The following DCC variants were observed in gnomAD, a reference collection of about 807,000 sequenced individuals.
DCC encodes the protein netrin receptor DCC.
Under a neutral mutation model 172.5 loss-of-function variants are expected in DCC, and 58 were observed. That is an observed-to-expected ratio of 0.34 (90% confidence interval 0.27 to 0.42). The LOEUF is 0.42. Among genes scored for constraint, DCC ranks in the 10% least tolerant of loss-of-function variants. The pLI is 1.00. For synonymous variants in DCC, 709 were observed against 644.5 expected (o/e 1.10, Z -1.52); for missense variants, 1,740 against 1,791.0 (o/e 0.97, Z 0.51).
At chr18:52,644,810 AG>A (rs1189004866) in intron 1 of DCC, among the ~76,000 whole-genome samples, 55 of 67,534 alleles carry the variant, frequency 8.1e-4, no homozygotes, top group African/African-American at 3.6e-3. Flanking sequence ...GAAGGAAGGA[AG>A]GGAGGGAGGG....
chr18:53,055,077 C>T (rs927594866), intron 5 of DCC, among the ~76,000 whole-genome samples: 6 of 152,032 alleles, frequency 3.9e-5, no homozygotes, highest in African/African-American at 9.7e-5. Flanking sequence ...AGGGATTTGC[C>T]GTTGAGGACT....
intron 2 of DCC, among the ~76,000 whole-genome samples, chr18:52,831,666 G>C (rs2038616429): frequency 1.3e-5 from 2 of 152,152 alleles, no homozygotes; most frequent in Non-Finnish European, 2.9e-5. Flanking sequence ...TATCACCCAA[G>C]ATGAGGAAGA....
At chr18:52,994,928 T>C (rs546120188) in intron 5 of DCC, among the ~76,000 whole-genome samples, 3 of 152,268 alleles carry the variant, frequency 2.0e-5, no homozygotes, top group Non-Finnish European at 4.4e-5. Context: ...GTCATGCCAA[T>C]AACAAATAAT....
intron 5 of DCC, among the ~76,000 whole-genome samples, chr18:53,022,698 G>C (rs185822075): frequency 1.3e-4 from 20 of 152,016 alleles, no homozygotes; most frequent in Non-Finnish European, 2.5e-4. Flanking sequence ...CTTTTGCCCT[G>C]TTGGTAGAAC....
chr18:52,879,397 C>A (rs1163714081), intron 2 of DCC, among the ~76,000 whole-genome samples: 1 of 108,756 alleles, frequency 9.2e-6, no homozygotes, highest in Non-Finnish European at 1.9e-5. Context: ...AATTTCTAGC[C>A]CATATGTTGT....
chr18:52,786,706 A>G (rs2037667959), intron 2 of DCC, among the ~76,000 whole-genome samples: 1 of 152,088 alleles, frequency 6.6e-6, no homozygotes, highest in Non-Finnish European at 1.5e-5. Flanking sequence ...TAATGTTCCA[A>G]GATAAACTTG....
chr18:53,455,748 G>A (rs1270719119), intron 23 of DCC, among the ~76,000 whole-genome samples: 1 of 152,146 alleles, frequency 6.6e-6, no homozygotes, highest in Non-Finnish European at 1.5e-5. Context: ...GGCCTCCTAT[G>A]TTTTTGTCCC....
intron 6 of DCC, among the ~76,000 whole-genome samples, chr18:53,064,825 G>T (rs2042544005): frequency 1.3e-5 from 2 of 152,096 alleles, no homozygotes; most frequent in African/African-American, 4.8e-5. Flanking sequence ...ATCTGCCAAT[G>T]GGCACTTTAA....
chr18:53,047,404 ATATTT>A (rs1160256665), intron 5 of DCC, among the ~76,000 whole-genome samples: 1 of 116,386 alleles, frequency 8.6e-6, no homozygotes. Flanking sequence ...AATATGTTAT[ATATTT>A]TATGTATTAT....
chr18:52,920,758 C>T (rs1353891591), intron 3 of DCC, among the ~76,000 whole-genome samples: 2 of 152,004 alleles, frequency 1.3e-5, no homozygotes, highest in African/African-American at 2.4e-5. Context: ...TTATAATCAC[C>T]AAAAACTGGA....
At chr18:52,406,582 G>A (rs1367567327) in intron 1 of DCC, among the ~76,000 whole-genome samples, 3 of 152,090 alleles carry the variant, frequency 2.0e-5, no homozygotes, top group African/African-American at 7.2e-5. Context: ...GTCCAGGAAT[G>A]ATCCTCTGCA....
chr18:52,619,459 G>A (rs931406269), intron 1 of DCC, among the ~76,000 whole-genome samples: 1 of 152,128 alleles, frequency 6.6e-6, no homozygotes, highest in Non-Finnish European at 1.5e-5. Flanking sequence ...TTTTTGGTTT[G>A]TTGTTGTTTG....
At chr18:52,967,893 A>C (rs752720410) in intron 5 of DCC, among the ~76,000 whole-genome samples, 1 of 152,178 alleles carries the variant, frequency 6.6e-6, no homozygotes, top group Non-Finnish European at 1.5e-5. Context: ...TGGATAATGG[A>C]TGATGTAATA....
At chr18:53,062,058 C>A (rs1207107096) in intron 5 of DCC, among the ~76,000 whole-genome samples, 4 of 151,890 alleles carry the variant, frequency 2.6e-5, no homozygotes, top group Non-Finnish European at 4.4e-5. Flanking sequence ...ATCAAAAAAG[C>A]CTTATACTAA....
At chr18:52,443,688 G>A (rs1009638128) in intron 1 of DCC, among the ~76,000 whole-genome samples, 5 of 152,194 alleles carry the variant, frequency 3.3e-5, no homozygotes, top group African/African-American at 1.2e-4. Flanking sequence ...AAGGGAAGAA[G>A]AGAGAGAGGC....
intron 1 of DCC, among the ~76,000 whole-genome samples, chr18:52,352,688 A>G (rs768206): frequency 0.34 from 51,937 of 152,046 alleles, 9,294 homozygotes; most frequent in East Asian, 0.51. Flanking sequence ...AGTGGCTCTC[A>G]TCTTGATTTT....
At chr18:52,860,522 A>T (rs1225725463) in intron 2 of DCC, among the ~76,000 whole-genome samples, 3 of 152,242 alleles carry the variant, frequency 2.0e-5, no homozygotes, top group Admixed American at 6.5e-5. Flanking sequence ...GAATCTAAAA[A>T]CATATGTACT....
At chr18:52,793,593 G>A (rs1300893871) in intron 2 of DCC, among the ~76,000 whole-genome samples, 1 of 152,070 alleles carries the variant, frequency 6.6e-6, no homozygotes, top group Non-Finnish European at 1.5e-5. Flanking sequence ...TGCATGTTGT[G>A]TCTTCACTCT....
intron 1 of DCC, among the ~76,000 whole-genome samples, chr18:52,483,321 ATATCTT>A (rs1187273988): frequency 2.0e-5 from 3 of 152,058 alleles, no homozygotes; most frequent in Admixed American, 1.3e-4. Flanking sequence ...GCAGCCAACT[ATATCTT>A]TAGCTTCTAT....
Sources: gnomAD v4.1 joint callset for allele counts (sites outside exome capture counted in the v4.1 genomes callset) on GRCh38, gnomAD v4.1.1 for gene constraint, MANE v1.5 for transcripts, NCBI Gene and HGNC (gene_info 2026-07-23, HGNC 2026-07-21) for gene names.